PKHD1L1: variants seen among roughly 807,000 people sequenced by gnomAD.
The protein encoded by PKHD1L1 is PKHD1 like 1.
In PKHD1L1, 434 loss-of-function variants were observed where a neutral mutation model predicts 462.9. The ratio of observed to expected loss-of-function variants is 0.94; its 90% CI spans 0.87 to 1.02. The LOEUF (loss-of-function observed/expected upper bound fraction) is 1.02. Ranked by LOEUF, PKHD1L1 falls within the 50% of genes least tolerant of loss-of-function variation. PKHD1L1 has a pLI of 0.00. For missense variants in PKHD1L1, 5,202 were observed against 5,096.1 expected (o/e 1.02, Z -0.63); for synonymous variants, 1,781 against 1,750.0 (o/e 1.02, Z -0.44).
intron 57 of PKHD1L1, among the ~76,000 whole-genome samples, chr8:109,484,615 C>T (rs1345475552): frequency 6.6e-6 from 1 of 151,832 alleles, no homozygotes; most frequent in African/African-American, 2.4e-5. Context: ...CAGCCTTGCC[C>T]TTTAACTTTC....
At chr8:109,445,681 A>C in intron 38 of PKHD1L1, 36 bp downstream of exon 38, 2 of 1,491,490 alleles carry the variant, frequency 1.3e-6, no homozygotes, top group Non-Finnish European at 1.8e-6. Context: ...TTGATATTAT[A>C]GTATCGATAA....
chr8:109,479,800 G>A (rs1406919733), intron 54 of PKHD1L1, among the ~76,000 whole-genome samples, 161 bp downstream of exon 54: 1 of 152,082 alleles, frequency 6.6e-6, no homozygotes, highest in Non-Finnish European at 1.5e-5. Flanking sequence ...AGCCTTCTGG[G>A]GTTTCTGTGG....
Position 109,427,025 on chromosome 8 carries a change from G to T in PKHD1L1, c.2869G>T (p.Ala957Ser). 6.3e-7 allele frequency: 1 copy of T among 1,593,492 alleles called. No homozygotes were observed. The highest frequency in any genetic ancestry group is 8.6e-7 in the Non-Finnish European group (1 of 1,161,330). The stretch of plus-strand genomic sequence containing the variant: ...AGGCCTCCCCGCTGCTGTGTCAGCT[G>T]CAGATCTGCAGTTTGCACTCCAGAG... ...LKGLPAAVSA[A>S]DLQFALQSLE... The change falls in exon 25 of 78, where the codon GCA (alanine) becomes TCA (serine). Residue 957 changes from alanine (A) to serine (S), a missense_variant. By Grantham distance (99) the Ala-to-Ser change is moderately conservative. This residue lies in a region of PKHD1L1 where 4,497 missense variants were observed against 4,336.8 expected (regional missense o/e 1.04). Transcript: ENST00000378402.
At position 109,408,075 on chromosome 8, in the gene PKHD1L1, G is replaced by A. The variant is rs751178933; in HGVS notation, c.1840G>A (p.Val614Ile). 2.5e-6 allele frequency: 4 copies of A among 1,609,610 alleles called. No homozygotes were observed. Among genetic ancestry groups the A allele is most frequent in the East Asian group, 2.2e-5 (1 of 44,762 alleles). Reference protein sequence around the residue: ...RGDFDLLGYEVVEGNNVTLDI... With the variant: ...RGDFDLLGYEIVEGNNVTLDI... ...AGACTTTGATCTGCTTGGTTATGAA[G>A]TAGTTGAAGGGAATAATGTCACACT... The change falls in exon 18 of 78, where the codon GTA (valine) becomes ATA (isoleucine). Residue 614 changes from valine to isoleucine, a missense_variant. Physicochemically the swap from Val to Ile is conservative, Grantham distance 29. Coordinates refer to ENST00000378402, the MANE Select transcript of PKHD1L1 (RefSeq NM_177531.6).
rs141140077 is a variant in PKHD1L1, at chr8:109,470,852, T to C, written c.8605+4083T>C. On this transcript the variant is annotated intron_variant, in intron 50 of 77. Transcript: ENST00000378402. ...ACACTAGTTACTTGGATAAGTTCTT[T>C]AGCAGGAAAGAAGATCCTGAAATGC... The C allele has an allele frequency of 3.6e-4, 548 of 1,513,402 alleles. 4 individuals carry two copies. The East Asian group carries it at 0.01, about 29-fold the overall frequency. 93.7% of individuals were successfully genotyped at this position (1,513,402 alleles called of 1,614,324 possible). A position where few individuals can be genotyped will look rare whatever the true frequency, so the allele number is the denominator to read the frequency against.
Position 109,522,212 on chromosome 8 carries a change from G to A in PKHD1L1, c.12058G>A (p.Glu4020Lys). ...TGQMQLSELQ[E>K]IAGSLGQAVI... ...TCAGATGCAGTTATCTGAACTCCAGGAAATTGCTGGTTCTCTTGGACAAGC... is the reference window on the plus strand; with the variant it reads ...TCAGATGCAGTTATCTGAACTCCAGAAAATTGCTGGTTCTCTTGGACAAGC... Residue 4020 changes from glutamate (E) to lysine (K), a missense_variant, in exon 74 of 78, where the codon GAA (glutamate) becomes AAA (lysine). This residue lies in a region of PKHD1L1 where 698 missense variants were observed against 736.3 expected (regional missense o/e 0.95). Coordinates refer to ENST00000378402, the MANE Select transcript of PKHD1L1 (RefSeq NM_177531.6). The A allele has an allele frequency of 5.0e-6, 8 of 1,603,862 alleles. No homozygotes were observed. The highest frequency in any genetic ancestry group is 6.8e-6 in the Non-Finnish European group (8 of 1,171,898).
intron 2 of PKHD1L1, among the ~76,000 whole-genome samples, chr8:109,365,947 C>G (rs566853277): frequency 6.6e-6 from 1 of 152,278 alleles, no homozygotes; most frequent in East Asian, 1.9e-4. Context: ...GTACTCCAGC[C>G]TGGCGACAGA....
chr8:109,456,456 G>A, intron 46 of PKHD1L1, 65 bp downstream of exon 46: 6 of 1,409,268 alleles, frequency 4.3e-6, no homozygotes, highest in East Asian at 2.5e-5. Flanking sequence ...GTATAAAGAG[G>A]GACAATTCAG....
chr8:109,488,707 G>A (rs1818677821), intron 59 of PKHD1L1, among the ~76,000 whole-genome samples: 1 of 151,872 alleles, frequency 6.6e-6, no homozygotes, highest in East Asian at 1.9e-4. Context: ...TCTACTTGTT[G>A]GTCATAATCT....
Position 109,426,998 on chromosome 8 carries a change from G to C in PKHD1L1, c.2846-4G>C. The C allele has an allele frequency of 6.8e-7, 1 of 1,475,872 alleles. No homozygotes were observed. Among genetic ancestry groups the C allele is most frequent in the Non-Finnish European group, 9.5e-7 (1 of 1,054,428 alleles). The allele number at this position is 1,475,872 out of a possible 1,614,324, so 91.4% of individuals were successfully genotyped here. A position where few individuals can be genotyped will look rare whatever the true frequency, so the allele number is the denominator to read the frequency against. On this transcript the variant is annotated splice_polypyrimidine_tract_variant and splice_region_variant and intron_variant, in intron 24 of 77. Transcript: ENST00000378402. ...TGCTGTTTGCCACCCCTCTGTGAGT[G>C]CAGGCCTCCCCGCTGCTGTGTCAGC...
chr8:109,472,237 A>G (rs1229634023), intron 50 of PKHD1L1, among the ~76,000 whole-genome samples: 1 of 152,108 alleles, frequency 6.6e-6, no homozygotes, highest in African/African-American at 2.4e-5. Flanking sequence ...AAGCATGAAT[A>G]AAATTAAGTT....
At chr8:109,492,740 T>C (rs1468424379) in intron 62 of PKHD1L1, among the ~76,000 whole-genome samples, 1 of 151,896 alleles carries the variant, frequency 6.6e-6, no homozygotes, top group East Asian at 1.9e-4. Flanking sequence ...AATTGACATT[T>C]ATGAATTCAT....
rs551005407 is a variant in PKHD1L1 at position 109,371,790 on chromosome 8, G to A, written c.163+7154G>A. ...TTTCCCCATTGCTTGTTTTTGTCAG[G>A]TTTTTCAAAGATCAGATAGTTGTAG... On this transcript the variant is annotated intron_variant, in intron 2 of 77. Coordinates refer to ENST00000378402, the MANE Select transcript of PKHD1L1 (RefSeq NM_177531.6). Among the ~76,000 whole-genome samples the A allele has an allele frequency of 7.9e-5, 12 of 152,100 alleles. No homozygotes were observed. The East Asian group carries it at 2.3e-3, about 29-fold the overall frequency.
At chr8:109,492,454 T>C (rs1295672509) in intron 62 of PKHD1L1, among the ~76,000 whole-genome samples, 1 of 151,854 alleles carries the variant, frequency 6.6e-6, no homozygotes, top group Non-Finnish European at 1.5e-5. Flanking sequence ...AGAGTAAGAT[T>C]ACAAACAAGA....
chr8:109,374,067 T>G (rs561089820), intron 2 of PKHD1L1, among the ~76,000 whole-genome samples: 144 of 152,188 alleles, frequency 9.5e-4, no homozygotes, highest in Non-Finnish European at 1.7e-3. Flanking sequence ...TTGTTAACTT[T>G]CTGTCTCGTT....
chr8:109,389,589 G>A (rs960338019), intron 8 of PKHD1L1, among the ~76,000 whole-genome samples: 20 of 151,578 alleles, frequency 1.3e-4, no homozygotes, highest in African/African-American at 4.4e-4. Flanking sequence ...GTGCAGTGGC[G>A]TGATCTTGGC....
At chr8:109,432,225 G>A (rs1729676375) in intron 27 of PKHD1L1, among the ~76,000 whole-genome samples, 1 of 151,902 alleles carries the variant, frequency 6.6e-6, no homozygotes, top group East Asian at 1.9e-4. Flanking sequence ...CAGTATATTA[G>A]CTGTGCTTTG....
chr8:109,402,753 A>G (rs1813336378), intron 14 of PKHD1L1, among the ~76,000 whole-genome samples: 1 of 152,100 alleles, frequency 6.6e-6, no homozygotes, highest in Non-Finnish European at 1.5e-5. Flanking sequence ...GATATTGAAG[A>G]AGTTATGCTC....
intron 71 of PKHD1L1, among the ~76,000 whole-genome samples, chr8:109,514,278 C>A (rs1470106900): frequency 1.3e-5 from 2 of 152,132 alleles, no homozygotes; most frequent in African/African-American, 4.8e-5. Flanking sequence ...CTTGGCTCTC[C>A]CAAGTTACAT....
Sources: allele counts gnomAD v4.1 joint callset (sites outside exome capture counted in the v4.1 genomes callset), GRCh38; gene constraint gnomAD v4.1.1; regional missense constraint gnomAD v4.1.1; transcripts MANE v1.5; gene names NCBI Gene and HGNC (gene_info 2026-07-23, HGNC 2026-07-21).